The following DLG2 variants were observed in gnomAD, a reference collection of about 807,000 sequenced individuals.
DLG2 encodes discs large MAGUK scaffold protein 2, also known as disks large homolog 2.
Under a neutral mutation model 132.5 loss-of-function variants are expected in DLG2, and 45 were observed. The observed-to-expected ratio is 0.34, with a 90% CI of 0.27 to 0.44. The LOEUF (loss-of-function observed/expected upper bound fraction) is 0.44, where lower values mean the gene tolerates loss of function less well. DLG2 is among the 20% of genes least tolerant of loss of function. The pLI is 1.00. For synonymous variants in DLG2, 424 were observed against 419.6 expected (o/e 1.01, Z -0.13); for missense variants, 1,045 against 1,196.9 (o/e 0.87, Z 1.87).
intron 11 of DLG2, among the ~76,000 whole-genome samples, chr11:84,021,203 G>A (rs565126219): frequency 6.6e-5 from 10 of 151,922 alleles, no homozygotes; most frequent in African/African-American, 2.2e-4. Context: ...CTTTAACATT[G>A]GTATTACTGT....
intron 8 of DLG2, among the ~76,000 whole-genome samples, chr11:84,238,293 T>C (rs956701752): frequency 7.2e-5 from 11 of 151,934 alleles, no homozygotes; most frequent in African/African-American, 2.2e-4. Flanking sequence ...GGTGTGCGGA[T>C]TGCTTGAGCC....
intron 2 of DLG2, among the ~76,000 whole-genome samples, chr11:85,610,684 T>C (rs2153271687): frequency 6.6e-6 from 1 of 152,334 alleles, no homozygotes; most frequent in South Asian, 2.1e-4. Flanking sequence ...ACTCTAGATC[T>C]CTTGAACTTT....
chr11:84,839,499 A>T (rs2080301237), intron 6 of DLG2, among the ~76,000 whole-genome samples: 2 of 152,126 alleles, frequency 1.3e-5, no homozygotes, highest in South Asian at 4.1e-4. Flanking sequence ...ACTACTTTAA[A>T]GTTCATATGG....
At chr11:83,987,068 G>C (rs964254751) in intron 11 of DLG2, among the ~76,000 whole-genome samples, 1 of 152,036 alleles carries the variant, frequency 6.6e-6, no homozygotes, top group African/African-American at 2.4e-5. Context: ...AGTTTAATTT[G>C]ATCCCATTTG....
At chr11:83,966,070 G>T (rs1282873624) in intron 12 of DLG2, among the ~76,000 whole-genome samples, 1 of 151,918 alleles carries the variant, frequency 6.6e-6, no homozygotes, top group African/African-American at 2.4e-5. Flanking sequence ...AAATAATGTT[G>T]CACTAATCCT....
At chr11:84,093,488 G>A (rs2097125668) in intron 10 of DLG2, among the ~76,000 whole-genome samples, 1 of 152,094 alleles carries the variant, frequency 6.6e-6, no homozygotes, top group South Asian at 2.1e-4. Context: ...ATTAGACCAG[G>A]TTCACATGTA....
chr11:84,971,100 T>C (rs1364140530), intron 6 of DLG2, among the ~76,000 whole-genome samples: 2 of 152,164 alleles, frequency 1.3e-5, no homozygotes, highest in African/African-American at 4.8e-5. Flanking sequence ...ATTGAAAGCA[T>C]CCCACTGAAT....
chr11:84,056,726 C>T (rs902823399), intron 11 of DLG2, among the ~76,000 whole-genome samples: 2 of 152,146 alleles, frequency 1.3e-5, no homozygotes, highest in African/African-American at 4.8e-5. Flanking sequence ...TCTGATTCAG[C>T]ACTAGCTGTG....
intron 7 of DLG2, among the ~76,000 whole-genome samples, chr11:84,274,043 C>T (rs554287932): frequency 9.2e-5 from 14 of 152,074 alleles, no homozygotes; most frequent in Non-Finnish European, 2.1e-4. Flanking sequence ...TTTAAATGTT[C>T]TCGGGAAATG....
chr11:84,097,769 G>T (rs1430811864), intron 10 of DLG2, among the ~76,000 whole-genome samples: 1 of 152,078 alleles, frequency 6.6e-6, no homozygotes, highest in East Asian at 1.9e-4. Context: ...GGCCTGAGGG[G>T]ATTTACAACC....
At chr11:83,673,280 C>G (rs533700744) in intron 18 of DLG2, among the ~76,000 whole-genome samples, 1 of 152,248 alleles carries the variant, frequency 6.6e-6, no homozygotes, top group East Asian at 1.9e-4. Context: ...AATAGGCTCG[C>G]TCTTTCAGTT....
chr11:84,446,123 T>C (rs568584361), intron 7 of DLG2, among the ~76,000 whole-genome samples: 6 of 152,128 alleles, frequency 3.9e-5, no homozygotes, highest in Admixed American at 3.9e-4. Context: ...TAATTACTAT[T>C]TTCTAATTTC....
chr11:85,436,942 C>T (rs1350673784), intron 3 of DLG2, among the ~76,000 whole-genome samples: 3 of 152,140 alleles, frequency 2.0e-5, no homozygotes, highest in African/African-American at 7.2e-5. Context: ...AAATGTGGTA[C>T]ATATATATCA....
intron 6 of DLG2, among the ~76,000 whole-genome samples, chr11:84,930,900 C>A (rs1430509528): frequency 6.6e-6 from 1 of 152,110 alleles, no homozygotes; most frequent in Admixed American, 6.6e-5. Flanking sequence ...TTTAGGAAAG[C>A]CAGCCCCTCA....
intron 6 of DLG2, among the ~76,000 whole-genome samples, chr11:84,832,714 T>C (rs184636387): frequency 1.3e-5 from 2 of 151,788 alleles, no homozygotes; most frequent in Non-Finnish European, 3.0e-5. Flanking sequence ...TACTTATTTA[T>C]GTTATTTACC....
chr11:85,609,978 A>G (rs548948109), intron 2 of DLG2, among the ~76,000 whole-genome samples: 20 of 152,288 alleles, frequency 1.3e-4, no homozygotes, highest in African/African-American at 4.8e-4. Flanking sequence ...GGAGGGATAT[A>G]TTAGCCAAAG....
At chr11:85,032,543 T>G (rs921225933) in intron 6 of DLG2, among the ~76,000 whole-genome samples, 4 of 152,178 alleles carry the variant, frequency 2.6e-5, no homozygotes, top group African/African-American at 4.8e-5. Flanking sequence ...TATTTTTTCC[T>G]CTTTGTAATT....
At chr11:85,396,080 C>A (rs573303066) in intron 3 of DLG2, among the ~76,000 whole-genome samples, 1 of 152,270 alleles carries the variant, frequency 6.6e-6, no homozygotes, top group Admixed American at 6.5e-5. Context: ...AAGGATGAGG[C>A]AGCAATATTT....
intron 3 of DLG2, among the ~76,000 whole-genome samples, chr11:85,323,176 C>A (rs1411991010): frequency 2.0e-5 from 3 of 152,134 alleles, no homozygotes; most frequent in Non-Finnish European, 2.9e-5. Context: ...TGCCTGTAGG[C>A]CTTTGACCTA....
Sources: gnomAD v4.1 joint callset for allele counts (sites outside exome capture counted in the v4.1 genomes callset) on GRCh38, gnomAD v4.1.1 for gene constraint, MANE v1.5 for transcripts, NCBI Gene and HGNC (gene_info 2026-07-23, HGNC 2026-07-21) for gene names.